Variants in TAF6 observed in about 807,000 individuals in gnomAD.
TAF6 encodes the protein transcription initiation factor TFIID subunit 6.
Under a neutral mutation model 73.5 loss-of-function variants are expected in TAF6, and 50 were observed. That is an observed-to-expected ratio of 0.68 (90% CI 0.54 to 0.86). The LOEUF (loss-of-function observed/expected upper bound fraction) is 0.86. Ranked by LOEUF, TAF6 falls within the 40% of genes least tolerant of loss-of-function variation. The pLI is 0.00. For synonymous variants in TAF6, 424 were observed against 376.7 expected (o/e 1.13, Z -1.45); for missense variants, 768 against 899.5 (o/e 0.85, Z 1.87).
In TAF6 at chr7:100,113,848, C is replaced by T. The variant is rs576092188; in HGVS notation, c.243+20G>A. 2.6e-5 allele frequency: 42 copies of T among 1,606,750 alleles called. No individual in the cohort carries two copies. The highest frequency in any genetic ancestry group is 8.4e-5 in the Admixed American group (5 of 59,312). ...GAAGGATGGCGTCTCACCCCCCCCC[C>T]GCCTGTCTCCCCAAATCACCTCGAC... On this transcript the variant is annotated intron_variant, in intron 3 of 14. Coordinates refer to ENST00000453269, the MANE Select transcript of TAF6 (RefSeq NM_139315.3).
At position 100,112,788 on chromosome 7, in the gene TAF6, G is replaced by A. The variant is rs749082140; in HGVS notation, c.574+10C>T. On this transcript the variant is annotated intron_variant, in intron 6 of 14. Transcript: ENST00000453269. ...AAGAGTCCAGAGAGGCCTAGCCTAG[G>A]AGGACTGACCTTTGCCGTCGGCTGT... The A allele has an allele frequency of 6.2e-7, 1 of 1,608,522 alleles. No homozygotes were observed. The highest frequency in any genetic ancestry group is 1.7e-5 in the Admixed American group (1 of 58,900).
rs1331738863 is a variant in TAF6, at chr7:100,114,185, G to A, written c.25C>T (p.Leu9Phe). The A allele has an allele frequency of 1.9e-6, 3 of 1,614,236 alleles. No homozygotes were observed. Among genetic ancestry groups the A allele is most frequent in the Non-Finnish European group, 2.5e-6 (3 of 1,180,050 alleles). Residue 9 changes from leucine to phenylalanine, a missense_variant, in exon 2 of 15, where the codon CTT becomes TTT. This residue lies in a region of TAF6 where 269 missense variants were observed against 268.0 expected (regional missense o/e 1.00). Transcript: ENST00000453269. ...TCCGAGGGCAGCACAGTGTTGCTAAGCTTCAGCTTCTTCTCCTCAGCCATT... is the reference window on the plus strand; with the variant it reads ...TCCGAGGGCAGCACAGTGTTGCTAAACTTCAGCTTCTTCTCCTCAGCCATT... MAEEKKLK[L>F]SNTVLPSESM...
At position 100,112,227 on chromosome 7, in the gene TAF6, G is replaced by A; in HGVS notation, c.601C>T (p.Leu201=). ...KGKEKKAPPL[L]EGAPLRLKPR... ...TTCAGTCGCAAGGGGGCCCCCTCCA[G>A]CAAGGGCGGCGCCTTCTTCTCTTTC... The change falls in exon 7 of 15, where the codon CTG becomes TTG. Residue 201 remains leucine, a synonymous_variant. Transcript: ENST00000453269. 6.2e-7 allele frequency: 1 copy of A among 1,614,092 alleles called. No individual in the cohort carries two copies. Among genetic ancestry groups the A allele is most frequent in the East Asian group, 2.2e-5 (1 of 44,888 alleles).
upstream of TAF6, among the ~76,000 whole-genome samples, chr7:100,120,733 C>T (rs1019717269): frequency 6.6e-6 from 1 of 152,088 alleles, no homozygotes; most frequent in Non-Finnish European, 1.5e-5. Flanking sequence ...GGCCTTCTAT[C>T]AGAATACAGC....
chr7:100,124,692 A>G (rs1798166399), upstream of TAF6: 11 of 1,613,086 alleles, frequency 6.8e-6, no homozygotes, highest in Non-Finnish European at 9.3e-6. Flanking sequence ...CTCCAGGACT[A>G]ATATCTAAAT....
At chr7:100,124,400 A>G, upstream of TAF6, 1 of 753,302 alleles carries the variant, frequency 1.3e-6, no homozygotes, top group Admixed American at 2.1e-5. Context: ...GGCCAAACTT[A>G]GCTTCCTGGC....
Position 100,107,918 on chromosome 7 carries a change from C to A in TAF6, c.1656+8G>T. Reference sequence around the variant, plus strand: ...TCCAGATGCTCCCTGTCCCACAGCTCTGCATACCTGCTGGGTGGATGGGGC... The same window carrying A: ...TCCAGATGCTCCCTGTCCCACAGCTATGCATACCTGCTGGGTGGATGGGGC... On this transcript the variant is annotated splice_region_variant and intron_variant, in intron 14 of 14. Coordinates refer to ENST00000453269, the MANE Select transcript of TAF6 (RefSeq NM_139315.3). 6.2e-7 allele frequency: 1 copy of A among 1,601,440 alleles called. No homozygotes were observed. The highest frequency in any genetic ancestry group is 2.2e-5 in the East Asian group (1 of 44,780).
chr7:100,108,634 G>T (rs750135146), intron 12 of TAF6, 94 bp from the exon 13 acceptor site: 14 of 1,407,904 alleles, frequency 9.9e-6, no homozygotes, highest in Non-Finnish European at 1.3e-5. Context: ...GAACCTTGGG[G>T]ATGGGGTAAA....
chr7:100,119,875 G>T, upstream of TAF6: 1 of 1,606,484 alleles, frequency 6.2e-7, no homozygotes, highest in Non-Finnish European at 8.5e-7. Context: ...ATTTGAAGGG[G>T]GTAGCCCCTA....
rs1043172418 is a variant in TAF6 at position 100,109,830 on chromosome 7, GC to G, written c.1284+117del. 2.4e-5 allele frequency: 35 copies of G among 1,458,660 alleles called. No homozygotes were observed. The African/African-American group carries it at 4.2e-4, about 18-fold the overall frequency. The allele number at this position is 1,458,660 out of a possible 1,614,324, so 90.4% of individuals were successfully genotyped here. A position where few individuals can be genotyped will look rare whatever the true frequency, so the allele number is the denominator to read the frequency against. ...CATCTGTAAAATAGTATCAGACTCT[GC>G]AATGTCCTCTGAAAACATGAGGCAA... On this transcript the variant is annotated intron_variant, in intron 12 of 14. Coordinates refer to ENST00000453269, the MANE Select transcript of TAF6 (RefSeq NM_139315.3).
At chr7:100,119,713 A>T, upstream of TAF6, 4 of 1,614,048 alleles carry the variant, frequency 2.5e-6, no homozygotes, top group Non-Finnish European at 3.4e-6. Context: ...AGTTGAAGGC[A>T]AGCGGTGATT....
rs1796613503 is a variant in TAF6 at position 100,107,281 on chromosome 7, G to A, written c.1999C>T (p.Gln667Ter). ...GGCTGAGGGGAGCCGGAGTTGGGCT[G>A]GGAGCCATTGGCTTTTGGAGTCCCT... Reference protein sequence around the residue: ...APGTPKANGSQPNSGSPQPAP With the variant: ...APGTPKANGS Residue 667 changes from glutamine to a stop codon, truncating the protein, a stop_gained, in exon 15 of 15, where the codon CAG becomes TAG. Transcript: ENST00000453269. LOFTEE classifies it high-confidence loss of function. The A allele has an allele frequency of 6.6e-7, 1 of 1,524,498 alleles. No individual in the cohort carries two copies. The highest frequency in any genetic ancestry group is 8.8e-7 in the Non-Finnish European group (1 of 1,139,200). 94.4% of individuals were successfully genotyped at this position (1,524,498 alleles called of 1,614,324 possible). A position where few individuals can be genotyped will look rare whatever the true frequency, so the allele number is the denominator to read the frequency against.
chr7:100,119,700 C>T, upstream of TAF6: 8 of 1,613,920 alleles, frequency 5.0e-6, no homozygotes, highest in Non-Finnish European at 6.8e-6. Flanking sequence ...ACTACCTTCC[C>T]GAAGTTGAAG....
Position 100,111,136 on chromosome 7 carries a change from C to T in TAF6, c.1083+3G>A. The stretch of plus-strand genomic sequence containing the variant: ...AAATGACGCTCAAGTTTTCCTGGCT[C>T]ACCTTGGTGAAGGTCTTGGTGATCC... On this transcript the variant is annotated splice_donor_region_variant and intron_variant, in intron 10 of 14. Transcript: ENST00000453269. The T allele has an allele frequency of 1.9e-6, 3 of 1,610,984 alleles. No individual in the cohort carries two copies. Among genetic ancestry groups the T allele is most frequent in the Non-Finnish European group, 2.5e-6 (3 of 1,177,290 alleles).
chr7:100,113,838 A>G (rs893583017), intron 3 of TAF6, 30 bp downstream of exon 3: 2 of 1,490,622 alleles, frequency 1.3e-6, no homozygotes, highest in Non-Finnish European at 1.8e-6. Context: ...ATGGCGTCTC[A>G]CCCCCCCCCC....
At chr7:100,123,404 C>T (rs899953854), upstream of TAF6, among the ~76,000 whole-genome samples, 18 of 151,918 alleles carry the variant, frequency 1.2e-4, no homozygotes, top group Admixed American at 3.9e-4. Context: ...TGGAGTGGCT[C>T]ACAACTGTAA....
At chr7:100,125,267 A>G in the TAF6 span, 3 of 192,076 alleles carry the variant, frequency 1.6e-5, no homozygotes, top group African/African-American at 2.4e-5. Context: ...AGACCCTTCC[A>G]AGGAAGAGGC....
chr7:100,108,956 G>A (rs553969369), intron 12 of TAF6: 85 of 157,300 alleles, frequency 5.4e-4, no homozygotes, highest in Middle Eastern at 3.3e-3. Context: ...CCAGGTGGTG[G>A]AGGCTGCAGT....
chr7:100,122,279 G>C (rs145806158), upstream of TAF6: 629 of 1,610,362 alleles, frequency 3.9e-4, no homozygotes, highest in Non-Finnish European at 5.1e-4. Flanking sequence ...GCTGAGCACA[G>C]AGCTACAGGC....
Sources: allele counts gnomAD v4.1 joint callset (sites outside exome capture counted in the v4.1 genomes callset), GRCh38; gene constraint gnomAD v4.1.1; regional missense constraint gnomAD v4.1.1; transcripts MANE v1.5; gene names NCBI Gene and HGNC (gene_info 2026-07-23, HGNC 2026-07-21).